Variants in ERBB4 observed in about 807,000 individuals in gnomAD.
ERBB4 encodes receptor tyrosine-protein kinase erbB-4.
A neutral mutation model predicts 158.0 loss-of-function variants in ERBB4; 42 were observed. The ratio of observed to expected loss-of-function variants is 0.27; its 90% confidence interval spans 0.21 to 0.34. The LOEUF is 0.34. ERBB4 is among the 10% of genes least tolerant of loss of function. ERBB4 has a pLI of 1.00. For synonymous variants in ERBB4, 583 were observed against 558.7 expected, an observed-to-expected ratio of 1.04 and a Z score of -0.61; for missense variants, 1,333 against 1,624.1, an observed-to-expected ratio of 0.82 and a Z score of 3.08.
intron 3 of ERBB4, among the ~76,000 whole-genome samples, chr2:211,837,882 G>GA (rs1188646708): frequency 6.6e-6 from 1 of 152,064 alleles, no homozygotes; most frequent in Admixed American, 6.6e-5. Context: ...AGGTGAATCA[G>GA]AAAATGACTC....
rs547322079 is a variant in ERBB4, at chr2:211,714,953, C to A, written c.884-1305G>T. Reference sequence around the variant, plus strand: ...GCTGTGTGGGGGCTAAGAGAAGGCACTTAGGAAAAGCTAACAGAGTAAGAC... The same window carrying A: ...GCTGTGTGGGGGCTAAGAGAAGGCAATTAGGAAAAGCTAACAGAGTAAGAC... On this transcript the variant is annotated intron_variant, in intron 7 of 27. Coordinates refer to ENST00000342788, the MANE Select transcript of ERBB4 (RefSeq NM_005235.3). Among the ~76,000 whole-genome samples, 3 of 152,208 alleles carry A rather than the reference C, an allele frequency of 2.0e-5. No homozygotes were observed. In the South Asian group the frequency reaches 6.2e-4, roughly 32 times the overall value.
rs114392041 is a variant in ERBB4 at position 212,171,431 on chromosome 2, C to T, written c.83-46528G>A. ...TTAATGCTGGAATGAATTAAGACTC[C>T]AGGGGACTCTTTGGAAGGCATGATT... On this transcript the variant is annotated intron_variant, in intron 1 of 27. Transcript: ENST00000342788. Among the ~76,000 whole-genome samples, 970 of 151,960 alleles carry T rather than the reference C, an allele frequency of 6.4e-3. 4 individuals carry two copies. Among genetic ancestry groups the T allele is most frequent in the African/African-American group, 0.016 (655 of 41,468 alleles).
intron 1 of ERBB4, among the ~76,000 whole-genome samples, chr2:212,225,457 G>T (rs1042998539): frequency 8.8e-6 from 1 of 113,438 alleles, no homozygotes; most frequent in South Asian, 2.4e-4. Flanking sequence ...TTGATCTTTC[G>T]AATTATGAAA....
At chr2:211,733,453 A>G (rs2074495508) in intron 5 of ERBB4, among the ~76,000 whole-genome samples, 2 of 151,950 alleles carry the variant, frequency 1.3e-5, no homozygotes, top group East Asian at 1.9e-4. Flanking sequence ...TAAGAATACC[A>G]TAGTATTTTT....
intron 16 of ERBB4, among the ~76,000 whole-genome samples, chr2:211,638,288 G>T (rs1173908660): frequency 6.6e-6 from 1 of 151,896 alleles, no homozygotes; most frequent in South Asian, 2.1e-4. Flanking sequence ...GTTCAGATTT[G>T]AAACAAGAGA....
chr2:212,521,134 A>G (rs1320404142), intron 1 of ERBB4, among the ~76,000 whole-genome samples: 1 of 151,970 alleles, frequency 6.6e-6, no homozygotes, highest in African/African-American at 2.4e-5. Flanking sequence ...TGCCTATAAA[A>G]TGTAACATAA....
chr2:212,025,558 G>T (rs753089254), intron 2 of ERBB4, among the ~76,000 whole-genome samples: 1 of 151,734 alleles, frequency 6.6e-6, no homozygotes, highest in Non-Finnish European at 1.5e-5. Flanking sequence ...GTTCATTTGA[G>T]CCTGTAAGAT....
At chr2:212,331,980 A>G (rs1316199623) in intron 1 of ERBB4, among the ~76,000 whole-genome samples, 1 of 152,042 alleles carries the variant, frequency 6.6e-6, no homozygotes, top group Non-Finnish European at 1.5e-5. Flanking sequence ...CAGGTCACCC[A>G]TATATAAATT....
intron 4 of ERBB4, among the ~76,000 whole-genome samples, chr2:211,764,031 G>A (rs1232811372): frequency 3.3e-5 from 5 of 152,168 alleles, no homozygotes; most frequent in African/African-American, 7.2e-5. Context: ...AAAGTTGATG[G>A]AGGTTATAAG....
chr2:211,871,412 T>C (rs1416433491), intron 3 of ERBB4, among the ~76,000 whole-genome samples: 1 of 152,100 alleles, frequency 6.6e-6, no homozygotes, highest in Non-Finnish European at 1.5e-5. Flanking sequence ...CAAGTAATTT[T>C]CTCTATGCCA....
intron 1 of ERBB4, among the ~76,000 whole-genome samples, chr2:212,258,130 A>T (rs1243461376): frequency 6.6e-6 from 1 of 152,016 alleles, no homozygotes; most frequent in East Asian, 1.9e-4. Flanking sequence ...TTAAATATAC[A>T]GTTATAATTC....
At chr2:212,015,077 T>A (rs1243674246) in intron 2 of ERBB4, among the ~76,000 whole-genome samples, 2,639 of 4,870 alleles carry the variant, frequency 0.54, 1,096 homozygotes, top group Middle Eastern at 1. Flanking sequence ...TATATATATA[T>A]ATATATATAT....
intron 27 of ERBB4, among the ~76,000 whole-genome samples, chr2:211,385,064 A>G (rs1422542174): frequency 2.6e-5 from 4 of 152,128 alleles, no homozygotes. Flanking sequence ...CAAGGCATGA[A>G]GAGGGCACAA....
At chr2:211,848,473 C>T (rs1490942307) in intron 3 of ERBB4, among the ~76,000 whole-genome samples, 1 of 151,930 alleles carries the variant, frequency 6.6e-6, no homozygotes, top group Admixed American at 6.6e-5. Context: ...TTGTATGTTT[C>T]TCAGGTCTCT....
chr2:211,697,622 A>T (rs115731488), intron 12 of ERBB4, among the ~76,000 whole-genome samples: 3 of 152,160 alleles, frequency 2.0e-5, no homozygotes, highest in Non-Finnish European at 2.9e-5. Context: ...AAGTTCACAT[A>T]TAAAGCAATT....
chr2:211,689,634 G>T (rs1176358272), intron 12 of ERBB4, among the ~76,000 whole-genome samples: 1 of 151,992 alleles, frequency 6.6e-6, no homozygotes, highest in Non-Finnish European at 1.5e-5. Flanking sequence ...ATGGGTGGTC[G>T]AATTCTATAT....
chr2:212,074,926 G>A (rs914451083), intron 2 of ERBB4, among the ~76,000 whole-genome samples: 38 of 151,868 alleles, frequency 2.5e-4, no homozygotes, highest in South Asian at 4.1e-4. Flanking sequence ...TTTGCTGGTC[G>A]TAGAGGTCCT....
intron 14 of ERBB4, among the ~76,000 whole-genome samples, chr2:211,672,076 C>T (rs1253328953): frequency 6.6e-6 from 1 of 152,118 alleles, no homozygotes; most frequent in Non-Finnish European, 1.5e-5. Context: ...CCAATTTTTC[C>T]ACATCTTTCT....
chr2:211,403,783 G>C (rs1371622534), intron 25 of ERBB4, among the ~76,000 whole-genome samples: 1 of 151,536 alleles, frequency 6.6e-6, no homozygotes, highest in African/African-American at 2.4e-5. Flanking sequence ...ATTTTTTTCT[G>C]CTCCTCAATT....
Sources: allele counts gnomAD v4.1 joint callset (sites outside exome capture counted in the v4.1 genomes callset), GRCh38; gene constraint gnomAD v4.1.1; transcripts MANE v1.5; gene names NCBI Gene and HGNC (gene_info 2026-07-23, HGNC 2026-07-21).